Variants in EAF2 observed in about 807,000 individuals in gnomAD.
EAF2 encodes the protein ELL associated factor 2, also known as ELL-associated factor 2.
A neutral mutation model predicts 29.4 loss-of-function variants in EAF2; 29 were observed. That is an observed-to-expected ratio of 0.99 (90% CI 0.73 to 1.35). The LOEUF (loss-of-function observed/expected upper bound fraction) is 1.35. EAF2 is among the 40% of genes most tolerant of loss of function. The probability of loss-of-function intolerance (pLI) is 0.00; values close to 1 mark genes in which losing one functional copy is unlikely to be tolerated. For synonymous variants in EAF2, 103 were observed against 102.5 expected (o/e 1.00, Z -0.03); for missense variants, 292 against 312.0 (o/e 0.94, Z 0.48).
At chr3:121,841,520 AAAAAAAAAAAAAAAAAAAAAAAAGAAAG>A (rs1708428969) in intron 1 of EAF2, among the ~76,000 whole-genome samples, 1 of 27,646 alleles carries the variant, frequency 3.6e-5, no homozygotes, top group Non-Finnish European at 6.7e-5. Context: ...AAAAAAAAAA[AAAAAAAAAAAAAAAAAAAAAAAAGAAAG>A]AAAGAAAGAA....
intron 2 of EAF2, among the ~76,000 whole-genome samples, chr3:121,848,855 A>T (rs1297081950): frequency 6.9e-6 from 1 of 144,778 alleles, no homozygotes; most frequent in Non-Finnish European, 1.5e-5. Flanking sequence ...ATTAACTTTT[A>T]AAAAATAAGG....
intron 5 of EAF2, among the ~76,000 whole-genome samples, chr3:121,884,354 A>AG (rs1709243718): frequency 6.6e-6 from 1 of 151,736 alleles, no homozygotes; most frequent in Admixed American, 6.6e-5. Flanking sequence ...AAAAAAAAAA[A>AG]AAAGAAATGA....
chr3:121,882,989 C>A (rs1709217243), intron 5 of EAF2, among the ~76,000 whole-genome samples: 1 of 151,882 alleles, frequency 6.6e-6, no homozygotes, highest in African/African-American at 2.4e-5. Context: ...TTAATATAAT[C>A]TGTGTACATA....
chr3:121,880,455 G>GGTGTGT (rs58834177), intron 5 of EAF2, among the ~76,000 whole-genome samples: 2,700 of 143,020 alleles, frequency 0.019, 81 homozygotes, highest in African/African-American at 0.067. Flanking sequence ...AGTGTTTTGG[G>GGTGTGT]GTGTGTGTGT....
In EAF2 at chr3:121,835,277, A is replaced by C. The variant is rs1371307501; in HGVS notation, c.-9A>C. The C allele has an allele frequency of 6.2e-7, 1 of 1,613,626 alleles. No homozygotes were observed. Among genetic ancestry groups the C allele is most frequent in the African/African-American group, 1.3e-5 (1 of 74,918 alleles). On this transcript the variant is annotated 5_prime_UTR_variant, in exon 1 of 6. Transcript: ENST00000273668. ...GTGGCGGAGTTAAAGTCAAAGCAGG[A>C]GAGTAATTATGAATAGCGCAGCGGG...
At chr3:121,858,668 G>A (rs1266339559) in intron 4 of EAF2, among the ~76,000 whole-genome samples, 4 of 152,148 alleles carry the variant, frequency 2.6e-5, no homozygotes, top group Non-Finnish European at 1.5e-5. Flanking sequence ...AAGCTCTTTA[G>A]TTCAATCATA....
chr3:121,863,341 A>G (rs1051618865), intron 4 of EAF2, among the ~76,000 whole-genome samples: 4 of 152,120 alleles, frequency 2.6e-5, no homozygotes, highest in African/African-American at 9.7e-5. Flanking sequence ...GGTGGGCTCC[A>G]CCTGGTTCAA....
At position 121,871,139 on chromosome 3, in the gene EAF2, A is replaced by G. The variant is rs1464766394; in HGVS notation, c.485-1398A>G. 3.3e-5 allele frequency among the ~76,000 whole-genome samples: 5 copies of G among 151,822 alleles called. No individual in the cohort carries two copies. The South Asian group carries it at 1.0e-3, about 31-fold the overall frequency. ...GAAAACAACCCAAATATCCATAAGT[A>G]GAAAATGGGTAACTAACTTGTGGTA... On this transcript the variant is annotated intron_variant, in intron 4 of 5. Transcript: ENST00000273668.
chr3:121,868,453 G>A (rs1427035125), intron 4 of EAF2, among the ~76,000 whole-genome samples: 1 of 152,044 alleles, frequency 6.6e-6, no homozygotes, highest in Non-Finnish European at 1.5e-5. Context: ...ACAAAAATTA[G>A]CCAAGCACGG....
intron 4 of EAF2, among the ~76,000 whole-genome samples, chr3:121,869,937 G>A (rs6762244): frequency 3.3e-5 from 5 of 152,046 alleles, no homozygotes; most frequent in African/African-American, 9.7e-5. Context: ...AAATTTGACA[G>A]TTTAGAGGAA....
chr3:121,859,917 C>T (rs1222243265), intron 4 of EAF2, among the ~76,000 whole-genome samples: 2 of 152,162 alleles, frequency 1.3e-5, no homozygotes, highest in Non-Finnish European at 2.9e-5. Context: ...TTTTCTGCAT[C>T]TATTGAGATA....
At chr3:121,857,654 T>C (rs1708744980) in intron 4 of EAF2, among the ~76,000 whole-genome samples, 1 of 152,162 alleles carries the variant, frequency 6.6e-6, no homozygotes, top group Non-Finnish European at 1.5e-5. Flanking sequence ...GCAATATCCA[T>C]ATAAGAGAAT....
At chr3:121,836,570 T>G in intron 1 of EAF2, 12 of 896,522 alleles carry the variant, frequency 1.3e-5, no homozygotes, top group South Asian at 1.0e-4. Flanking sequence ...AATAAATGGG[T>G]GAGATATTTG....
Position 121,872,564 on chromosome 3 carries a change from A to C in EAF2, c.512A>C (p.Asp171Ala). ...RELKAEASLM[D>A]QMSSCDSSSD... ...CTGAAGGCAGAAGCTAGTCTAATGGACCAGATGAGTAGTTGTGATAGTTCA... is the reference window on the plus strand; with the variant it reads ...CTGAAGGCAGAAGCTAGTCTAATGGCCCAGATGAGTAGTTGTGATAGTTCA... The change falls in exon 5 of 6, where the codon GAC (aspartate) becomes GCC (alanine). Residue 171 changes from aspartate to alanine, a missense_variant. Transcript: ENST00000273668. 6.2e-7 allele frequency: 1 copy of C among 1,610,258 alleles called. No homozygotes were observed. Among genetic ancestry groups the C allele is most frequent in the Non-Finnish European group, 8.5e-7 (1 of 1,177,646 alleles).
At chr3:121,884,340 CAAA>C (rs1192870196) in intron 5 of EAF2, among the ~76,000 whole-genome samples, 2 of 84,140 alleles carry the variant, frequency 2.4e-5, no homozygotes, top group Admixed American at 1.2e-4. Context: ...AACTCCATCT[CAAA>C]AAAAAAAAAA....
intron 4 of EAF2, among the ~76,000 whole-genome samples, chr3:121,863,702 ACTGT>A (rs968303950): frequency 2.6e-4 from 39 of 151,946 alleles, no homozygotes; most frequent in African/African-American, 8.9e-4. Context: ...GGCTGCACCC[ACTGT>A]CTAACAAGCC....
chr3:121,863,772 C>A (rs911662652), intron 4 of EAF2, among the ~76,000 whole-genome samples: 5 of 152,066 alleles, frequency 3.3e-5, no homozygotes, highest in African/African-American at 1.2e-4. Context: ...CCATCTTCTG[C>A]GTGGCTCATG....
rs920514260 is a variant in EAF2, at chr3:121,835,416, G to A, written c.106+25G>A. 1.5e-5 allele frequency: 24 copies of A among 1,604,360 alleles called. No individual in the cohort carries two copies. In the East Asian group the frequency reaches 5.4e-4, roughly 36 times the overall value. On this transcript the variant is annotated intron_variant, in intron 1 of 5. Coordinates refer to ENST00000273668, the MANE Select transcript of EAF2 (RefSeq NM_018456.6). ...TGTGAGTGAGGACCATCCGGGGATA[G>A]AGGGGGAGCCTCCCGGGATGGGGGT...
intron 2 of EAF2, among the ~76,000 whole-genome samples, chr3:121,853,528 C>T (rs1356533308): frequency 6.6e-6 from 1 of 152,152 alleles, no homozygotes; most frequent in African/African-American, 2.4e-5. Context: ...CTCCTGGCTT[C>T]AAGCTGTCCT....
Sources: allele counts gnomAD v4.1 joint callset (sites outside exome capture counted in the v4.1 genomes callset), GRCh38; gene constraint gnomAD v4.1.1; transcripts MANE v1.5; gene names NCBI Gene and HGNC (gene_info 2026-07-23, HGNC 2026-07-21).